Variants in CDH4 observed in about 807,000 individuals in gnomAD.
The protein encoded by CDH4 is cadherin-4.
Under a neutral mutation model 86.0 loss-of-function variants are expected in CDH4, and 33 were observed. The observed-to-expected ratio is 0.38, with a 90% CI of 0.29 to 0.51. CDH4 has a LOEUF of 0.51. CDH4 is among the 20% of genes least tolerant of loss of function. The probability of loss-of-function intolerance (pLI) is 0.86; values close to 1 mark genes in which losing one functional copy is unlikely to be tolerated. For synonymous variants in CDH4, 555 were observed against 549.4 expected, an observed-to-expected ratio of 1.01 and a Z score of -0.14; for missense variants, 1,114 against 1,307.4, an observed-to-expected ratio of 0.85 and a Z score of 2.28.
At chr20:61,778,502 C>T (rs1320610763) in intron 4 of CDH4, among the ~76,000 whole-genome samples, 1 of 152,064 alleles carries the variant, frequency 6.6e-6, no homozygotes, top group Non-Finnish European at 1.5e-5. Context: ...AGGTAACCTA[C>T]TTGTAGAGAG....
intron 8 of CDH4, among the ~76,000 whole-genome samples, chr20:61,899,813 A>G (rs1600752482): frequency 6.6e-6 from 1 of 152,204 alleles, no homozygotes; most frequent in South Asian, 2.1e-4. Context: ...GTGGGTCCCC[A>G]GCGTTTAGGA....
chr20:61,687,190 A>G (rs1164718881), intron 2 of CDH4, among the ~76,000 whole-genome samples: 2 of 152,244 alleles, frequency 1.3e-5, no homozygotes, highest in Non-Finnish European at 2.9e-5. Flanking sequence ...AGAAAGCTGC[A>G]GAGGTGCCCT....
At chr20:61,467,347 TG>T (rs2085478311) in intron 2 of CDH4, among the ~76,000 whole-genome samples, 1 of 152,250 alleles carries the variant, frequency 6.6e-6, no homozygotes, top group Non-Finnish European at 1.5e-5. Context: ...CCATTTGGGT[TG>T]GTTCTTTTTG....
At chr20:61,311,694 G>C (rs1328336255) in intron 2 of CDH4, among the ~76,000 whole-genome samples, 1 of 152,202 alleles carries the variant, frequency 6.6e-6, no homozygotes, top group Non-Finnish European at 1.5e-5. Context: ...TGTATATGCT[G>C]CATCAAGAAA....
Position 61,773,078 on chromosome 20 carries a change from C to G in CDH4, c.472C>G (p.His158Asp). 1 of 1,613,686 alleles carries G rather than the reference C, an allele frequency of 6.2e-7. No homozygotes were observed. Among genetic ancestry groups the G allele is most frequent in the Non-Finnish European group, 8.5e-7 (1 of 1,179,924 alleles). Residue 158 changes from histidine to aspartate, a missense_variant, in exon 4 of 16, where the codon CAC (histidine) becomes GAC (aspartate). This residue lies in a region of CDH4 where 221 missense variants were observed against 209.5 expected (regional missense o/e 1.05). Transcript: ENST00000614565. ...PKDTLLPWPQ[H>D]QNANGLRRRK... ...GGACACCCTGCTGCCGTGGCCCCAG[C>G]ACCAGAACGCCAACGGGCTGAGGCG...
At chr20:61,757,242 C>A (rs544413986) in intron 3 of CDH4, among the ~76,000 whole-genome samples, 1 of 152,240 alleles carries the variant, frequency 6.6e-6, no homozygotes, top group Non-Finnish European at 1.5e-5. Context: ...GACCCCCCCC[C>A]CAGCCCCCTC....
At chr20:61,934,346 C>T (rs2055153387) in intron 15 of CDH4, 126 bp downstream of exon 15, 2 of 1,055,888 alleles carry the variant, frequency 1.9e-6, no homozygotes, top group Non-Finnish European at 2.6e-6. Flanking sequence ...CAGCTCAGAC[C>T]CGGGTTCCAG....
intron 7 of CDH4, among the ~76,000 whole-genome samples, chr20:61,886,574 C>G (rs192238133): frequency 3.3e-5 from 5 of 152,330 alleles, no homozygotes; most frequent in Admixed American, 2.6e-4. Context: ...CGCTGCCCGC[C>G]CAGACACCTC....
At chr20:61,602,708 A>AAAC (rs2086611519) in intron 2 of CDH4, among the ~76,000 whole-genome samples, 1 of 150,656 alleles carries the variant, frequency 6.6e-6, no homozygotes, top group South Asian at 2.1e-4. Flanking sequence ...AAAAAAAAAA[A>AAAC]AAAAAAAAAA....
chr20:61,252,722 C>T lies in CDH4; in HGVS notation c.57+152C>T, dbSNP rs2084069877. 2 of 364,540 alleles carry T rather than the reference C, an allele frequency of 5.5e-6. No individual in the cohort carries two copies. The highest frequency in any genetic ancestry group is 2.2e-5 in the African/African-American group (1 of 45,992). The allele number at this position is 364,540 out of a possible 1,614,324, so 22.6% of individuals were successfully genotyped here. A position where few individuals can be genotyped will look rare whatever the true frequency, so the allele number is the denominator to read the frequency against. On this transcript the variant is annotated intron_variant, in intron 1 of 15. Coordinates refer to ENST00000614565, the MANE Select transcript of CDH4 (RefSeq NM_001794.5). The surrounding 1 kb of genome is among the most constrained non-coding windows in gnomAD (Gnocchi z 4.4). Reference sequence around the variant, plus strand: ...CATCCAGCCCGGCGCCCGCGCTCGGCGAAGCTGCCTGCGGTCGGCAGGAGC... The same window carrying T: ...CATCCAGCCCGGCGCCCGCGCTCGGTGAAGCTGCCTGCGGTCGGCAGGAGC...
At chr20:61,277,709 G>A (rs1241174879) in intron 2 of CDH4, among the ~76,000 whole-genome samples, 1 of 152,250 alleles carries the variant, frequency 6.6e-6, no homozygotes, top group African/African-American at 2.4e-5. Flanking sequence ...AGTAAGACAA[G>A]TGAGTCTTAG....
At chr20:61,537,790 G>T (rs931549969) in intron 2 of CDH4, among the ~76,000 whole-genome samples, 2 of 152,318 alleles carry the variant, frequency 1.3e-5, no homozygotes, top group East Asian at 1.9e-4. Context: ...GCCTCATTGA[G>T]TTGGAAGCCA....
At chr20:61,610,287 A>G (rs2086675015) in intron 2 of CDH4, among the ~76,000 whole-genome samples, 1 of 152,190 alleles carries the variant, frequency 6.6e-6, no homozygotes, top group Non-Finnish European at 1.5e-5. Context: ...TTTACATGAA[A>G]TGACCTCCGG....
At chr20:61,341,906 G>GT (rs1167248692) in intron 2 of CDH4, among the ~76,000 whole-genome samples, 1 of 152,172 alleles carries the variant, frequency 6.6e-6, no homozygotes, top group East Asian at 1.9e-4. Context: ...AGGGGTTTGC[G>GT]TCTCCTTTTC....
intron 2 of CDH4, among the ~76,000 whole-genome samples, chr20:61,406,515 C>T (rs1324085322): frequency 1.4e-5 from 2 of 146,662 alleles, no homozygotes; most frequent in Non-Finnish European, 3.0e-5. Flanking sequence ...CCACCATCTG[C>T]TCTGCCTGGA....
chr20:61,529,901 A>G (rs910463396), intron 2 of CDH4, among the ~76,000 whole-genome samples: 28 of 152,224 alleles, frequency 1.8e-4, no homozygotes, highest in Admixed American at 3.9e-4. Context: ...GCAGTGCCAC[A>G]ATCTTGACTC....
At chr20:61,268,443 G>A (rs988224242) in intron 2 of CDH4, among the ~76,000 whole-genome samples, 2 of 152,256 alleles carry the variant, frequency 1.3e-5, no homozygotes, top group Non-Finnish European at 2.9e-5. Flanking sequence ...CTGATGCCGG[G>A]TTGGCTTGCA....
chr20:61,354,519 A>G (rs1337768779), intron 2 of CDH4, among the ~76,000 whole-genome samples: 2 of 152,348 alleles, frequency 1.3e-5, no homozygotes, highest in South Asian at 2.1e-4. Context: ...TGCTGTTGAA[A>G]TAAATCAAAG....
At chr20:61,733,597 C>G (rs996032715) in intron 2 of CDH4, among the ~76,000 whole-genome samples, 1 of 151,738 alleles carries the variant, frequency 6.6e-6, no homozygotes, top group Non-Finnish European at 1.5e-5. Context: ...GACTGCCCAG[C>G]ACCCAGGACG....
Sources: gnomAD v4.1 joint callset for allele counts (sites outside exome capture counted in the v4.1 genomes callset) on GRCh38, gnomAD v4.1.1 for gene constraint, gnomAD v4.1.1 regional missense constraint, Gnocchi (gnomAD v3.1) non-coding constraint, MANE v1.5 for transcripts, NCBI Gene and HGNC (gene_info 2026-07-23, HGNC 2026-07-21) for gene names.